BLK: variants seen among roughly 807,000 people sequenced by gnomAD.
The protein encoded by BLK is BLK proto-oncogene, Src family tyrosine kinase.
A neutral mutation model predicts 61.8 loss-of-function variants in BLK; 64 were observed. The ratio of observed to expected loss-of-function variants is 1.03; its 90% CI spans 0.85 to 1.27. The LOEUF is 1.27. BLK is among the 50% of genes most tolerant of loss of function. The pLI, the probability that BLK is intolerant of heterozygous loss-of-function variation, is 0.00. For missense variants in BLK, 853 were observed against 660.5 expected (o/e 1.29, Z -3.19); for synonymous variants, 351 against 272.0 (o/e 1.29, Z -2.86).
chr8:11,518,912 T>C (rs777803853), intron 1 of BLK, among the ~76,000 whole-genome samples: 1 of 152,186 alleles, frequency 6.6e-6, no homozygotes, highest in Non-Finnish European at 1.5e-5. Flanking sequence ...TCCTTGCCAC[T>C]GAAGACTCCA....
chr8:11,549,336 C>T (rs1042745640), intron 5 of BLK, among the ~76,000 whole-genome samples: 1 of 152,190 alleles, frequency 6.6e-6, no homozygotes, highest in Admixed American at 6.5e-5. Context: ...GCCGCTCTTC[C>T]CAGCTAAACA....
intron 10 of BLK, 195 bp from the exon 11 acceptor site, chr8:11,561,107 G>A (rs781583054): frequency 3.9e-6 from 3 of 775,926 alleles, no homozygotes; most frequent in South Asian, 2.9e-5. Context: ...TGATGCCCAC[G>A]TTGCTGCGTT....
intron 1 of BLK, among the ~76,000 whole-genome samples, chr8:11,510,318 A>AG (rs1367128665): frequency 6.6e-6 from 1 of 152,144 alleles, no homozygotes; most frequent in Non-Finnish European, 1.5e-5. Flanking sequence ...TTTGCTGGCC[A>AG]GGGTTACTGG....
chr8:11,506,055 G>C (rs533840637), intron 1 of BLK, among the ~76,000 whole-genome samples: 1 of 152,370 alleles, frequency 6.6e-6, no homozygotes, highest in South Asian at 2.1e-4. Flanking sequence ...GCAGATGGTA[G>C]AACAGGTTTT....
chr8:11,508,464 T>C (rs895953137), intron 1 of BLK, among the ~76,000 whole-genome samples: 2 of 152,208 alleles, frequency 1.3e-5, no homozygotes, highest in Non-Finnish European at 2.9e-5. Context: ...GAAGCCATCA[T>C]GTGTGGGACC....
intron 1 of BLK, among the ~76,000 whole-genome samples, chr8:11,515,815 G>C (rs1193316104): frequency 6.6e-6 from 1 of 152,212 alleles, no homozygotes; most frequent in Admixed American, 6.5e-5. Flanking sequence ...GCTTCAAACA[G>C]GAAATCAAAC....
At chr8:11,548,597 T>C (rs965411214) in intron 4 of BLK, among the ~76,000 whole-genome samples, 16 of 152,232 alleles carry the variant, frequency 1.1e-4, no homozygotes, top group Admixed American at 9.2e-4. Flanking sequence ...GTGGCCAGGC[T>C]TGTCCTGTGG....
chr8:11,535,202 A>G (rs7841351), intron 1 of BLK, among the ~76,000 whole-genome samples: 1 of 122,784 alleles, frequency 8.1e-6, no homozygotes, highest in African/African-American at 2.9e-5. Context: ...AAAGAAGGAA[A>G]GAAAGAAAGA....
intron 7 of BLK, among the ~76,000 whole-genome samples, 184 bp from the exon 8 acceptor site, chr8:11,555,148 T>C (rs1801137471): frequency 6.6e-6 from 1 of 152,150 alleles, no homozygotes; most frequent in Non-Finnish European, 1.5e-5. Flanking sequence ...AGAGATAGCA[T>C]GCCCTGCTTT....
At position 11,564,533 on chromosome 8, in the gene BLK, G is replaced by A. The variant is rs1162169476; in HGVS notation, c.*425G>A. 6.2e-6 allele frequency: 3 copies of A among 484,512 alleles called. No individual in the cohort carries two copies. Among genetic ancestry groups the A allele is most frequent in the South Asian group, 4.7e-5 (3 of 64,508 alleles). 30.0% of individuals were successfully genotyped at this position (484,512 alleles called of 1,614,324 possible). On this transcript the variant is annotated 3_prime_UTR_variant, in exon 13 of 13. Transcript: ENST00000259089. ...CTGGGTCCCGCGGACGCCAGCAGGGGCAGCCCCAGCCTAGGCTGCGCTCCA... is the reference window on the plus strand; with the variant it reads ...CTGGGTCCCGCGGACGCCAGCAGGGACAGCCCCAGCCTAGGCTGCGCTCCA...
chr8:11,558,857 G>T, intron 10 of BLK: 4 of 455,440 alleles, frequency 8.8e-6, no homozygotes, highest in Admixed American at 4.7e-5. Flanking sequence ...GAGAGGAAAC[G>T]CTCCCACCCA....
At chr8:11,528,095 G>C (rs192552101) in intron 1 of BLK, among the ~76,000 whole-genome samples, 3 of 152,312 alleles carry the variant, frequency 2.0e-5, no homozygotes, top group Non-Finnish European at 4.4e-5. Context: ...GGAGTTCAAT[G>C]GCGTGATCTC....
At chr8:11,550,286 C>T in intron 6 of BLK, 24 bp downstream of exon 6, 1 of 1,608,514 alleles carries the variant, frequency 6.2e-7, no homozygotes. Flanking sequence ...CTTTGCCTGC[C>T]TTCCTTGCCC....
intron 2 of BLK, among the ~76,000 whole-genome samples, chr8:11,545,398 A>C (rs1471222255): frequency 1.3e-5 from 2 of 152,064 alleles, no homozygotes; most frequent in Admixed American, 6.5e-5. Flanking sequence ...AAAATACAAA[A>C]ATTAGCTGGG....
chr8:11,506,431 G>T (rs566333146), intron 1 of BLK, among the ~76,000 whole-genome samples: 1 of 152,340 alleles, frequency 6.6e-6, no homozygotes, highest in East Asian at 1.9e-4. Flanking sequence ...GGAAGGGCAG[G>T]TTAGGCTTCT....
chr8:11,511,322 T>A (rs1193958675), intron 1 of BLK, among the ~76,000 whole-genome samples: 1 of 152,024 alleles, frequency 6.6e-6, no homozygotes, highest in Admixed American at 6.6e-5. Context: ...AGGGATAGCA[T>A]TAGGAGATAT....
chr8:11,559,861 C>A, intron 10 of BLK: 1 of 456,114 alleles, frequency 2.2e-6, no homozygotes, highest in Admixed American at 2.3e-5. Flanking sequence ...AAGAAACTGC[C>A]AGAGAGCCCT....
At chr8:11,509,240 AC>A (rs886901458) in intron 1 of BLK, 1 of 151,592 alleles carries the variant, frequency 6.6e-6, no homozygotes, top group Non-Finnish European at 1.5e-5. Flanking sequence ...TGTCATCGGG[AC>A]CCCAGCTCGG....
intron 2 of BLK, chr8:11,545,681 G>A (rs1161867944): frequency 3.1e-6 from 1 of 322,304 alleles, no homozygotes; most frequent in Non-Finnish European, 6.0e-6. Flanking sequence ...TCGAGTTTTG[G>A]GGAAATATGC....
Sources: allele counts gnomAD v4.1 joint callset (sites outside exome capture counted in the v4.1 genomes callset), GRCh38; gene constraint gnomAD v4.1.1; transcripts MANE v1.5; gene names NCBI Gene and HGNC (gene_info 2026-07-23, HGNC 2026-07-21).